The following C12orf42 variants were observed in gnomAD, a reference collection of about 807,000 sequenced individuals.
C12orf42 encodes uncharacterized protein C12orf42.
Under a neutral mutation model 21.6 loss-of-function variants are expected in C12orf42, and 25 were observed. The observed-to-expected ratio is 1.16, with a 90% CI of 0.84 to 1.62. The LOEUF (loss-of-function observed/expected upper bound fraction) is 1.62, where lower values mean the gene tolerates loss of function less well. Among genes scored for constraint, C12orf42 ranks in the 40% most tolerant of loss-of-function variants. The pLI is 0.00. For synonymous variants in C12orf42, 174 were observed against 175.0 expected, an observed-to-expected ratio of 0.99 and a Z score of 0.05; for missense variants, 483 against 459.3, an observed-to-expected ratio of 1.05 and a Z score of -0.47.
chr12:103,479,744 A>C (rs1337567385), intron 1 of C12orf42, among the ~76,000 whole-genome samples: 1 of 152,032 alleles, frequency 6.6e-6, no homozygotes, highest in Non-Finnish European at 1.5e-5. Context: ...CTACATTAAC[A>C]AAATTTCCAA....
chr12:103,261,577 A>G (rs916743903), intron 10 of C12orf42, among the ~76,000 whole-genome samples: 4 of 151,912 alleles, frequency 2.6e-5, no homozygotes, highest in Admixed American at 6.6e-5. Context: ...AATACTTAAC[A>G]TAGATTATTT....
chr12:103,205,777 A>G, the C12orf42 span, among the ~76,000 whole-genome samples: 1 of 152,172 alleles, frequency 6.6e-6, no homozygotes, highest in African/African-American at 2.4e-5. Context: ...ATAGAATACA[A>G]TGCTGACATG....
chr12:103,317,203 G>C (rs1593403461), intron 4 of C12orf42, among the ~76,000 whole-genome samples: 1 of 152,246 alleles, frequency 6.6e-6, no homozygotes, highest in African/African-American at 2.4e-5. Context: ...AGAGGCATTT[G>C]TCATAGCTCA....
the C12orf42 span, among the ~76,000 whole-genome samples, chr12:103,229,158 T>C: frequency 3.9e-5 from 6 of 152,230 alleles, no homozygotes; most frequent in African/African-American, 1.4e-4. Context: ...AATGAGAATA[T>C]CTTCAGTATC....
chr12:103,228,320 A>G, the C12orf42 span, among the ~76,000 whole-genome samples: 1 of 151,566 alleles, frequency 6.6e-6, no homozygotes, highest in Admixed American at 6.6e-5. Flanking sequence ...CAAGGTGCTC[A>G]GTGGGGGTGC....
chr12:103,126,967 A>C, the C12orf42 span, among the ~76,000 whole-genome samples: 20 of 152,324 alleles, frequency 1.3e-4, no homozygotes, highest in African/African-American at 4.3e-4. Context: ...AAAATATTCA[A>C]ACAGATGATC....
the C12orf42 span, among the ~76,000 whole-genome samples, chr12:103,131,928 G>A: frequency 1.2e-4 from 19 of 152,212 alleles, no homozygotes; most frequent in South Asian, 3.7e-3. Context: ...GAGTGATGTT[G>A]GTTGGGGTAG....
chr12:103,229,793 T>C, the C12orf42 span, among the ~76,000 whole-genome samples: 1 of 152,250 alleles, frequency 6.6e-6, no homozygotes, highest in African/African-American at 2.4e-5. Flanking sequence ...TAACATAGTA[T>C]TCTAGGATTC....
the C12orf42 span, chr12:103,164,633 A>G: frequency 2.3e-6 from 1 of 434,996 alleles, no homozygotes; most frequent in Non-Finnish European, 4.6e-6. Context: ...TTATACTAAT[A>G]TTTTTAAGTT....
intron 4 of C12orf42, among the ~76,000 whole-genome samples, chr12:103,355,829 GCTAA>G (rs2043497034): frequency 1.3e-5 from 2 of 152,188 alleles, no homozygotes; most frequent in African/African-American, 4.8e-5. Flanking sequence ...AGTATTGGAT[GCTAA>G]CTATCCTTTC....
chr12:103,231,285 C>T, the C12orf42 span, among the ~76,000 whole-genome samples: 737 of 152,282 alleles, frequency 4.8e-3, 7 homozygotes, highest in African/African-American at 0.017. Flanking sequence ...TTTATTACAA[C>T]TGATAAGCTG....
At chr12:103,552,014 C>G in the C12orf42 span, among the ~76,000 whole-genome samples, 1 of 151,178 alleles carries the variant, frequency 6.6e-6, no homozygotes, top group African/African-American at 2.4e-5. Context: ...ACAAGAAACA[C>G]TTCTGTGATA....
intron 4 of C12orf42, among the ~76,000 whole-genome samples, chr12:103,353,201 C>T (rs1438644840): frequency 2.6e-5 from 4 of 151,776 alleles, no homozygotes; most frequent in African/African-American, 7.3e-5. Context: ...AGAGAGCCTA[C>T]CTTCCACAGG....
intron 2 of C12orf42, among the ~76,000 whole-genome samples, chr12:103,452,002 C>A (rs1007876692): frequency 1.3e-5 from 2 of 152,012 alleles, no homozygotes; most frequent in Non-Finnish European, 2.9e-5. Flanking sequence ...AAACAATAAG[C>A]CTTTATTATT....
chr12:103,478,681 C>T (rs1416007275), intron 1 of C12orf42, among the ~76,000 whole-genome samples: 1 of 150,780 alleles, frequency 6.6e-6, no homozygotes, highest in Non-Finnish European at 1.5e-5. Context: ...CGCACCTTGG[C>T]CTCAATAAAA....
the C12orf42 span, among the ~76,000 whole-genome samples, chr12:103,212,055 C>T: frequency 6.6e-6 from 1 of 151,978 alleles, no homozygotes; most frequent in Non-Finnish European, 1.5e-5. Flanking sequence ...ATATTTGATT[C>T]ATTTTGAACT....
chr12:103,415,683 A>T (rs181165354), intron 2 of C12orf42, among the ~76,000 whole-genome samples: 1 of 152,284 alleles, frequency 6.6e-6, no homozygotes, highest in East Asian at 1.9e-4. Flanking sequence ...ACCGCCTGAG[A>T]CTCATGCTTT....
At chr12:103,449,894 CAAATAT>C (rs1204207170) in intron 2 of C12orf42, among the ~76,000 whole-genome samples, 1 of 150,948 alleles carries the variant, frequency 6.6e-6, no homozygotes, top group South Asian at 2.1e-4. Context: ...AGTAAGTCTT[CAAATAT>C]AAATATATTT....
the C12orf42 span, among the ~76,000 whole-genome samples, chr12:103,516,885 A>G: frequency 6.6e-6 from 1 of 152,238 alleles, no homozygotes; most frequent in African/African-American, 2.4e-5. Context: ...CTGATATAAT[A>G]GAGAGCACGG....
Sources: gnomAD v4.1 joint callset for allele counts (sites outside exome capture counted in the v4.1 genomes callset) on GRCh38, gnomAD v4.1.1 for gene constraint, MANE v1.5 for transcripts, NCBI Gene and HGNC (gene_info 2026-07-23, HGNC 2026-07-21) for gene names.